CCDC159: variants seen among roughly 807,000 people sequenced by gnomAD.
CCDC159 encodes coiled-coil domain-containing protein 159.
In CCDC159, 40 loss-of-function variants were observed where a neutral mutation model predicts 50.9. The ratio of observed to expected loss-of-function variants is 0.79; its 90% CI spans 0.61 to 1.02. CCDC159 has a LOEUF of 1.02. Among genes scored for constraint, CCDC159 ranks in the 50% least tolerant of loss-of-function variants. The pLI is 0.00. For synonymous variants in CCDC159, 146 were observed against 138.9 expected (o/e 1.05, Z -0.36); for missense variants, 356 against 371.5 (o/e 0.96, Z 0.34).
At chr19:11,349,708 C>A in intron 2 of CCDC159, 21 bp downstream of exon 2, 2 of 1,569,110 alleles carry the variant, frequency 1.3e-6, no homozygotes, top group Non-Finnish European at 1.8e-6. Context: ...TCCTTTCCAA[C>A]AAAACTGTGT....
chr19:11,346,701 A>T, intron 1 of CCDC159, 74 bp downstream of exon 1: 1 of 1,475,462 alleles, frequency 6.8e-7, no homozygotes, highest in Non-Finnish European at 9.2e-7. Context: ...CAGGATGATG[A>T]CCCCGCCCCC....
In CCDC159 at chr19:11,354,561, G is replaced by A. The variant is rs1205895722; in HGVS notation, c.773-19G>A. On this transcript the variant is annotated intron_variant, in intron 9 of 10. Coordinates refer to ENST00000458408, the MANE Select transcript of CCDC159 (RefSeq NM_001080503.3). ...GGGTTACTTGAGGGTCACATTCAGG[G>A]AACCTGTCCCTCCTGCAGGCCACAA... The A allele has an allele frequency of 6.4e-7, 1 of 1,560,812 alleles. No homozygotes were observed. Among genetic ancestry groups the A allele is most frequent in the African/African-American group, 1.4e-5 (1 of 73,370 alleles).
chr19:11,351,109 G>C, intron 5 of CCDC159, 106 bp downstream of exon 5: 1 of 1,133,580 alleles, frequency 8.8e-7, no homozygotes, highest in South Asian at 1.6e-5. Flanking sequence ...TGGGGGAGGG[G>C]GACTGAGGGA....
chr19:11,351,262 C>A, intron 5 of CCDC159: 1 of 417,454 alleles, frequency 2.4e-6, no homozygotes, highest in Non-Finnish European at 4.3e-6. Flanking sequence ...CATGGTGAAA[C>A]CCCATCTCTA....
In CCDC159 at chr19:11,353,328, C is replaced by T. The variant is rs1436177578; in HGVS notation, c.568-123C>T. ...TGTTAGCCAGGATGGTCTCAATCTC[C>T]TGACCTCGTGATCTGCCCGCCTCGG... On this transcript the variant is annotated intron_variant, in intron 7 of 10. Coordinates refer to ENST00000458408, the MANE Select transcript of CCDC159 (RefSeq NM_001080503.3). The T allele has an allele frequency of 9.7e-5, 98 of 1,008,542 alleles. 1 individual carries two copies. In the East Asian group the frequency reaches 2.4e-3, roughly 25 times the overall value. The allele number at this position is 1,008,542 out of a possible 1,614,324, so 62.5% of individuals were successfully genotyped here. A position where few individuals can be genotyped will look rare whatever the true frequency, so the allele number is the denominator to read the frequency against.
chr19:11,346,563 T>A lies in CCDC159; in HGVS notation c.-44T>A. On this transcript the variant is annotated 5_prime_UTR_variant, in exon 1 of 11. Transcript: ENST00000458408. ...TTAATACGATGGTGTCCCCGCGGGA[T>A]CAAACTTCAGCGTCACAGCTGAGGA... The A allele has an allele frequency of 6.4e-7, 1 of 1,550,584 alleles. No homozygotes were observed. Among genetic ancestry groups the A allele is most frequent in the Non-Finnish European group, 8.7e-7 (1 of 1,146,096 alleles).
rs772388588 is a variant in CCDC159, at chr19:11,349,682, T to C, written c.50T>C (p.Val17Ala). ...CCCTTGGAGACCAGCTCTTCCAAAGTCAAAGGTGAGAAATCTCCTTTCCAA... is the reference window on the plus strand; with the variant it reads ...CCCTTGGAGACCAGCTCTTCCAAAGCCAAAGGTGAGAAATCTCCTTTCCAA... Reference protein sequence around the residue: ...VKPLETSSSKVKAKTIVMIPD... With the variant: ...VKPLETSSSKAKAKTIVMIPD... Residue 17 changes from valine (V) to alanine (A), a missense_variant, in exon 2 of 11, where the codon GTC (valine) becomes GCC (alanine). Physicochemically the swap from Val to Ala is moderately conservative, Grantham distance 64 (BLOSUM62 0). Coordinates refer to ENST00000458408, the MANE Select transcript of CCDC159 (RefSeq NM_001080503.3). The C allele has an allele frequency of 1.2e-6, 2 of 1,609,106 alleles. No homozygotes were observed. Among genetic ancestry groups the C allele is most frequent in the African/African-American group, 2.7e-5 (2 of 74,812 alleles).
intron 1 of CCDC159, 79 bp from the exon 2 acceptor site, chr19:11,349,575 G>A: frequency 6.3e-7 from 1 of 1,578,022 alleles, no homozygotes; most frequent in South Asian, 1.1e-5. Flanking sequence ...CTCTTGTCCA[G>A]CCCTCAAAAC....
chr19:11,350,146 C>A lies in CCDC159; in HGVS notation c.173C>A (p.Thr58Asn). The A allele has an allele frequency of 6.2e-7, 1 of 1,613,550 alleles. No homozygotes were observed. ...KAFEFLNHSV[T>N]MLEKESCLQQ... ...TTCGAGTTCCTGAACCACTCAGTGA[C>A]CATGTTGGAGAAGGAGAGCTGCTTG... Residue 58 changes from threonine to asparagine, a missense_variant, in exon 4 of 11, where the codon ACC becomes AAC. By Grantham distance (65) the Thr-to-Asn change is moderately conservative. Transcript: ENST00000458408.
intron 8 of CCDC159, 45 bp downstream of exon 8, chr19:11,353,617 C>G: frequency 6.2e-7 from 1 of 1,603,460 alleles, no homozygotes; most frequent in Middle Eastern, 1.7e-4. Context: ...CCTCTGAACC[C>G]GTTCCCCCAA....
At chr19:11,348,958 A>G (rs371947153) in intron 1 of CCDC159, 173 of 1,347,218 alleles carry the variant, frequency 1.3e-4, no homozygotes, top group Non-Finnish European at 1.6e-4. Flanking sequence ...GGAAGCCCTC[A>G]CCCCTAGGCT....
chr19:11,351,724 G>C (rs927416548), intron 5 of CCDC159, 182 bp from the exon 6 acceptor site: 68 of 578,772 alleles, frequency 1.2e-4, no homozygotes, highest in Non-Finnish European at 2.0e-4. Context: ...GAGAATGGGA[G>C]GCTGGGGATC....
At chr19:11,353,770 C>T (rs1967719612) in intron 8 of CCDC159, 22 bp from the exon 9 acceptor site, 3 of 1,581,706 alleles carry the variant, frequency 1.9e-6, no homozygotes, top group Non-Finnish European at 2.6e-6. Context: ...CCCAGCGCCC[C>T]CAGCTCCTTG....
chr19:11,348,721 C>A, intron 1 of CCDC159: 1 of 473,658 alleles, frequency 2.1e-6, no homozygotes, highest in South Asian at 1.5e-5. Context: ...GGACTTATCT[C>A]AAAGCAGCCC....
chr19:11,353,902 G>A (rs1433957102), intron 9 of CCDC159, 28 bp downstream of exon 9: 7 of 1,526,780 alleles, frequency 4.6e-6, no homozygotes, highest in Non-Finnish European at 5.3e-6. Flanking sequence ...TTGCTCAGGG[G>A]TGGGAGGTCA....
At chr19:11,350,539 G>A (rs1278238732) in intron 4 of CCDC159, among the ~76,000 whole-genome samples, 1 of 152,120 alleles carries the variant, frequency 6.6e-6, no homozygotes, top group Non-Finnish European at 1.5e-5. Context: ...TGTAGTCCCA[G>A]CCACTCAGGA....
At position 11,350,980 on chromosome 19, in the gene CCDC159, G is replaced by A. The variant is rs1430887540; in HGVS notation, c.399G>A (p.Leu133=). The A allele has an allele frequency of 1.3e-6, 2 of 1,552,550 alleles. No individual in the cohort carries two copies. The highest frequency in any genetic ancestry group is 2.4e-5 in the South Asian group (2 of 84,060). Residue 133 remains leucine, a synonymous_variant, in exon 5 of 11, where the codon CTG becomes CTA. Transcript: ENST00000458408. ...CCCGCACCACTCGCTGCCTGCAGCTGCTGGCCCAGGAGATCCGGGACAGGT... is the reference window on the plus strand; with the variant it reads ...CCCGCACCACTCGCTGCCTGCAGCTACTGGCCCAGGAGATCCGGGACAGGT... ...QRARTTRCLQ[L]LAQEIRDSKK...
chr19:11,346,678 C>T, intron 1 of CCDC159, 51 bp downstream of exon 1: 3 of 1,545,508 alleles, frequency 1.9e-6, no homozygotes, highest in Non-Finnish European at 2.6e-6. Flanking sequence ...TTTCACAACC[C>T]AGGGGGCGGA....
rs758017897 is a variant in CCDC159, at chr19:11,352,242, C to T, written c.567+109C>T. 8 of 1,063,384 alleles carry T rather than the reference C, an allele frequency of 7.5e-6. No individual in the cohort carries two copies. In the East Asian group the frequency reaches 2.0e-4, roughly 27 times the overall value. 65.9% of individuals were successfully genotyped at this position (1,063,384 alleles called of 1,614,324 possible). On this transcript the variant is annotated intron_variant, in intron 7 of 10. Coordinates refer to ENST00000458408, the MANE Select transcript of CCDC159 (RefSeq NM_001080503.3). ...GCCTGGGTTCAAATCTCAGCTCTGC[C>T]ACTCACTGCTGTGTGACTGTGGGCA...
Sources: gnomAD v4.1 joint callset for allele counts (sites outside exome capture counted in the v4.1 genomes callset) on GRCh38, gnomAD v4.1.1 for gene constraint, MANE v1.5 for transcripts, NCBI Gene and HGNC (gene_info 2026-07-23, HGNC 2026-07-21) for gene names.